The following NREP variants were observed in gnomAD, a reference collection of about 807,000 sequenced individuals.
The protein encoded by NREP is neuronal regeneration-related protein.
A neutral mutation model predicts 8.6 loss-of-function variants in NREP; 5 were observed. The ratio of observed to expected loss-of-function variants is 0.58; its 90% CI spans 0.30 to 1.22. The LOEUF is 1.22. Ranked by LOEUF, NREP falls within the 50% of genes most tolerant of loss-of-function variation. The probability of loss-of-function intolerance (pLI) is 0.07; values close to 1 mark genes in which losing one functional copy is unlikely to be tolerated. For missense variants in NREP, 86 were observed against 82.5 expected, an observed-to-expected ratio of 1.04 and a Z score of -0.17; for synonymous variants, 27 against 28.0, an observed-to-expected ratio of 0.96 and a Z score of 0.11.
At chr5:111,881,022 G>T (rs1361308917) in intron 2 of NREP, among the ~76,000 whole-genome samples, 1 of 152,242 alleles carries the variant, frequency 6.6e-6, no homozygotes, top group African/African-American at 2.4e-5. Flanking sequence ...GCAGGGCGAG[G>T]CATTGCCTCA....
chr5:111,828,051 C>G (rs1443111041), intron 2 of NREP, among the ~76,000 whole-genome samples: 1 of 150,230 alleles, frequency 6.7e-6, no homozygotes, highest in African/African-American at 2.5e-5. Flanking sequence ...TTTTTTAAGA[C>G]GGAGTTTCGC....
intron 2 of NREP, among the ~76,000 whole-genome samples, chr5:111,922,441 C>T (rs1755270159): frequency 6.6e-6 from 1 of 152,124 alleles, no homozygotes; most frequent in African/African-American, 2.4e-5. Flanking sequence ...AATGCTTCCA[C>T]CCAGTTAGTG....
intron 2 of NREP, among the ~76,000 whole-genome samples, chr5:111,938,592 T>C (rs1271562571): frequency 2.0e-5 from 3 of 152,064 alleles, no homozygotes; most frequent in Admixed American, 6.6e-5. Flanking sequence ...GATCGGTCAC[T>C]TACTGTATGT....
chr5:111,792,237 A>G (rs1751766158), intron 2 of NREP, among the ~76,000 whole-genome samples: 1 of 152,226 alleles, frequency 6.6e-6, no homozygotes, highest in Admixed American at 6.5e-5. Context: ...GCATGAATGC[A>G]TATTAACCTA....
At chr5:111,791,678 G>A (rs1459591731) in intron 2 of NREP, among the ~76,000 whole-genome samples, 1 of 152,098 alleles carries the variant, frequency 6.6e-6, no homozygotes, top group Non-Finnish European at 1.5e-5. Flanking sequence ...TCTCTGTGTT[G>A]CCCAGGCTAG....
rs543838387 is a variant in NREP at position 111,929,860 on chromosome 5, T to G, written c.135+45414A>C. 1.2e-3 allele frequency among the ~76,000 whole-genome samples: 180 copies of G among 152,308 alleles called. 1 individual carries two copies. Among genetic ancestry groups the G allele is most frequent in the Middle Eastern group, 3.4e-3 (1 of 294 alleles). On this transcript the variant is annotated intron_variant, in intron 2 of 3. Coordinates refer to the NREP transcript ENST00000395634. ...AATGGATGAATGAAAACCTATTAAA[T>G]GCAAAGCATCTAGCCAAATTCCTCT...
chr5:111,735,396 A>G, intron 3 of NREP, 34 bp downstream of exon 3: 1 of 1,388,276 alleles, frequency 7.2e-7, no homozygotes, highest in Non-Finnish European at 1.0e-6. Flanking sequence ...TATATTGAAA[A>G]TAGTGTTAAC....
At chr5:111,873,684 A>G (rs1462590346) in intron 2 of NREP, among the ~76,000 whole-genome samples, 3 of 152,164 alleles carry the variant, frequency 2.0e-5, no homozygotes, top group Admixed American at 1.3e-4. Context: ...TATGATCAGA[A>G]TGGGCCTACC....
At chr5:111,858,725 G>T (rs993888408) in intron 2 of NREP, among the ~76,000 whole-genome samples, 1 of 152,092 alleles carries the variant, frequency 6.6e-6, no homozygotes, top group Non-Finnish European at 1.5e-5. Flanking sequence ...CAAGGAAAAT[G>T]AGTCTAAGAC....
In NREP at chr5:111,880,145, C is replaced by T. The variant is rs1754014351; in HGVS notation, c.135+95129G>A. 3.9e-5 allele frequency among the ~76,000 whole-genome samples: 6 copies of T among 152,268 alleles called. No individual in the cohort carries two copies. In the South Asian group the frequency reaches 1.2e-3, roughly 32 times the overall value. The stretch of plus-strand genomic sequence containing the variant: ...AATTTCATCATCTACCATTTATTAC[C>T]TGTGAGACACTAGGCAGATTTTTTT... On this transcript the variant is annotated intron_variant, in intron 2 of 3. Coordinates refer to the NREP transcript ENST00000395634.
chr5:111,735,881 G>A (rs1022488877), intron 2 of NREP, among the ~76,000 whole-genome samples: 2 of 151,986 alleles, frequency 1.3e-5, no homozygotes, highest in Non-Finnish European at 2.9e-5. Flanking sequence ...CACTGTTAAG[G>A]GTTATTCTGA....
At chr5:111,763,437 C>A (rs1332683929) in intron 2 of NREP, among the ~76,000 whole-genome samples, 1 of 152,152 alleles carries the variant, frequency 6.6e-6, no homozygotes, top group Non-Finnish European at 1.5e-5. Flanking sequence ...AATTATGGTG[C>A]TTTCAATCTT....
At chr5:111,807,021 G>A (rs1186820341) in intron 2 of NREP, among the ~76,000 whole-genome samples, 1 of 151,914 alleles carries the variant, frequency 6.6e-6, no homozygotes, top group Non-Finnish European at 1.5e-5. Context: ...TGGGGAATTT[G>A]CAACTTGGAA....
chr5:111,925,057 G>A (rs747455266), intron 2 of NREP, among the ~76,000 whole-genome samples: 3 of 152,096 alleles, frequency 2.0e-5, no homozygotes, highest in East Asian at 1.9e-4. Context: ...CTTCACAATC[G>A]TGCTACGGGA....
chr5:111,974,634 GTA>G (rs1756911480), intron 2 of NREP: 1 of 152,198 alleles, frequency 6.6e-6, no homozygotes, highest in African/African-American at 2.4e-5. Context: ...CAAACAGGGT[GTA>G]TGTGTACAAT....
intron 2 of NREP, among the ~76,000 whole-genome samples, chr5:111,940,450 G>A (rs187149758): frequency 1.1e-4 from 17 of 152,156 alleles, no homozygotes; most frequent in Admixed American, 3.3e-4. Context: ...AGATCAAAGT[G>A]TCTGTCTGTC....
At chr5:111,788,745 TG>T (rs1348779322) in intron 2 of NREP, among the ~76,000 whole-genome samples, 1 of 152,220 alleles carries the variant, frequency 6.6e-6, no homozygotes, top group Non-Finnish European at 1.5e-5. Context: ...GACTGGGCAA[TG>T]GGGCACCAGA....
intron 2 of NREP, among the ~76,000 whole-genome samples, chr5:111,826,223 A>G (rs1752621606): frequency 6.6e-6 from 1 of 152,158 alleles, no homozygotes; most frequent in East Asian, 1.9e-4. Flanking sequence ...CTCTGTAGAA[A>G]ACGACCAATC....
At chr5:111,929,064 G>A (rs892630374) in intron 2 of NREP, among the ~76,000 whole-genome samples, 1 of 152,008 alleles carries the variant, frequency 6.6e-6, no homozygotes, top group African/African-American at 2.4e-5. Flanking sequence ...GGTGGAATGG[G>A]TAACACTCTT....
Sources: allele counts gnomAD v4.1 joint callset (sites outside exome capture counted in the v4.1 genomes callset), GRCh38; gene constraint gnomAD v4.1.1; transcripts MANE v1.5; gene names NCBI Gene and HGNC (gene_info 2026-07-23, HGNC 2026-07-21).